Variants in ZNF236 observed in about 807,000 individuals in gnomAD.
ZNF236 encodes the protein regulated by glucose.
A neutral mutation model predicts 191.2 loss-of-function variants in ZNF236; 50 were observed. That is an observed-to-expected ratio of 0.26 (90% CI 0.21 to 0.33). The LOEUF is 0.33. Ranked by LOEUF, ZNF236 falls within the 10% of genes least tolerant of loss-of-function variation. ZNF236 has a pLI of 1.00. For missense variants in ZNF236, 1,754 were observed against 2,374.5 expected (o/e 0.74, Z 5.43); for synonymous variants, 907 against 928.8 (o/e 0.98, Z 0.43).
At chr18:76,967,792 C>T (rs1266838932) in intron 30 of ZNF236, among the ~76,000 whole-genome samples, 6 of 151,788 alleles carry the variant, frequency 4.0e-5, no homozygotes, top group East Asian at 3.9e-4. Context: ...GGGAGCTCGA[C>T]GGCTTTCAGT....
At chr18:76,961,135 A>G (rs181782091) in intron 30 of ZNF236, among the ~76,000 whole-genome samples, 1 of 152,076 alleles carries the variant, frequency 6.6e-6, no homozygotes, top group African/African-American at 2.4e-5. Flanking sequence ...CCCTATTTAT[A>G]GTCTTTTATC....
chr18:76,958,829 A>G (rs1968590135), intron 28 of ZNF236, among the ~76,000 whole-genome samples: 1 of 152,154 alleles, frequency 6.6e-6, no homozygotes, highest in African/African-American at 2.4e-5. Flanking sequence ...CACCTCCCAG[A>G]CTGTGCTGGG....
At position 76,972,091 on chromosome 18, in the gene ZNF236, T is replaced by C. The variant is rs1968915037; in HGVS notation, c.*3752T>C. Among the ~76,000 whole-genome samples, 1 of 152,250 alleles carries C rather than the reference T, an allele frequency of 6.6e-6. No individual in the cohort carries two copies. Among genetic ancestry groups the C allele is most frequent in the Admixed American group, 6.5e-5 (1 of 15,290 alleles). On this transcript the variant is annotated 3_prime_UTR_variant, in exon 31 of 31. Coordinates refer to ENST00000320610, the MANE Select transcript of ZNF236 (RefSeq NM_001306089.2). ...GTCACTTAATCTGTGTTCACGTAAC[T>C]TAGGCACTTTGGATTTTTTAGAATG...
At position 76,956,046 on chromosome 18, in the gene ZNF236, A is replaced by C; in HGVS notation, c.4976A>C (p.His1659Pro). ...GNQPEKEGRAHQCLECDRAFS... is the reference protein window; with the variant it reads ...GNQPEKEGRAPQCLECDRAFS... ...CAGCCAGAGAAGGAGGGCCGGGCGC[A>C]CCAGTGCCTGGAGTGTGACCGCGCC... is the stretch of plus-strand genomic sequence containing the variant. The change falls in exon 28 of 31, where the codon CAC becomes CCC. Residue 1659 changes from histidine (H) to proline (P), a missense_variant. Physicochemically the swap from His to Pro is moderately conservative, Grantham distance 77. This residue lies in a region of ZNF236 where 606 missense variants were observed against 761.5 expected (regional missense o/e 0.80). Coordinates refer to ENST00000320610, the MANE Select transcript of ZNF236 (RefSeq NM_001306089.2). 6.2e-7 allele frequency: 1 copy of C among 1,609,794 alleles called. No homozygotes were observed. Among genetic ancestry groups the C allele is most frequent in the Non-Finnish European group, 8.5e-7 (1 of 1,179,186 alleles).
rs1264821028 is a variant in ZNF236 at position 76,910,101 on chromosome 18, G to T, written c.2585G>T (p.Gly862Val). 6.2e-7 allele frequency: 1 copy of T among 1,613,296 alleles called. No individual in the cohort carries two copies. Among genetic ancestry groups the T allele is most frequent in the South Asian group, 1.1e-5 (1 of 91,058 alleles). The change falls in exon 15 of 31, where the codon GGG becomes GTG. Residue 862 changes from glycine (G) to valine (V), a missense_variant. Gly to Val is a moderately radical substitution (Grantham distance 109). This residue lies in a region of ZNF236 where 641 missense variants were observed against 869.6 expected (regional missense o/e 0.74). Transcript: ENST00000320610. ...GFVAPQDPLR[G>V]HVDQFEEQSP... ...GTGGCTCCACAGGACCCTCTGCGAGGGCACGTAGACCAGTTTGAAGAGCAG... is the reference window on the plus strand; with the variant it reads ...GTGGCTCCACAGGACCCTCTGCGAGTGCACGTAGACCAGTTTGAAGAGCAG...
In ZNF236 at chr18:76,875,765, T is replaced by C; in HGVS notation, c.840+101T>C. ...AGAAATTCTTTTCCATTTAAAAAAA[T>C]GCAGATTGATTTTGTGCCGAGCAGA... On this transcript the variant is annotated intron_variant, in intron 6 of 30. Coordinates refer to ENST00000320610, the MANE Select transcript of ZNF236 (RefSeq NM_001306089.2). The surrounding 1 kb of genome is among the most constrained non-coding windows in gnomAD (Gnocchi z 4.3). The C allele has an allele frequency of 8.0e-7, 1 of 1,247,208 alleles. No homozygotes were observed. Among genetic ancestry groups the C allele is most frequent in the Non-Finnish European group, 1.0e-6 (1 of 967,394 alleles). 77.3% of individuals were successfully genotyped at this position (1,247,208 alleles called of 1,614,324 possible). A position where few individuals can be genotyped will look rare whatever the true frequency, so the allele number is the denominator to read the frequency against.
chr18:76,903,405 G>T (rs1023005681), intron 11 of ZNF236, among the ~76,000 whole-genome samples: 1 of 152,246 alleles, frequency 6.6e-6, no homozygotes, highest in African/African-American at 2.4e-5. Flanking sequence ...AAAGCTGGGA[G>T]AAGTGGGCTT....
Position 76,838,621 on chromosome 18 carries a change from A to C in ZNF236, c.56-10905A>C, listed in dbSNP as rs187558927. 7.9e-5 allele frequency among the ~76,000 whole-genome samples: 12 copies of C among 152,356 alleles called. No homozygotes were observed. In the East Asian group the frequency reaches 2.3e-3, roughly 29 times the overall value. On this transcript the variant is annotated intron_variant, in intron 1 of 30. Transcript: ENST00000320610. Reference sequence around the variant, plus strand: ...TCTGCTATATGCCTGAGTTTCAGCAAACCTTTGTGTACCAAAAAAGGCTAG... The same window carrying C: ...TCTGCTATATGCCTGAGTTTCAGCACACCTTTGTGTACCAAAAAAGGCTAG...
intron 15 of ZNF236, 124 bp from the exon 16 acceptor site, chr18:76,910,536 C>G: frequency 1.0e-6 from 1 of 979,664 alleles, no homozygotes. Context: ...AGCAGCTAGT[C>G]CTAATTCTAA....
In ZNF236 at chr18:76,925,187, A is replaced by G; in HGVS notation, c.3662-2A>G. The G allele has an allele frequency of 6.2e-7, 1 of 1,608,514 alleles. No homozygotes were observed. The highest frequency in any genetic ancestry group is 8.5e-7 in the Non-Finnish European group (1 of 1,176,222). Reference sequence around the variant, plus strand: ...GTTGATTCTTGGCTGGGCTTTTCACAGGTCAGAAGCTCTTCAGCTGTCACG... The same window carrying G: ...GTTGATTCTTGGCTGGGCTTTTCACGGGTCAGAAGCTCTTCAGCTGTCACG... On this transcript the variant is annotated splice_acceptor_variant, in intron 21 of 30. Coordinates refer to ENST00000320610, the MANE Select transcript of ZNF236 (RefSeq NM_001306089.2). LOFTEE classifies it high-confidence loss of function. The surrounding 1 kb of genome is among the most constrained non-coding windows in gnomAD (Gnocchi z 5.7).
At position 76,875,815 on chromosome 18, in the gene ZNF236, G is replaced by T; in HGVS notation, c.840+151G>T. On this transcript the variant is annotated intron_variant, in intron 6 of 30. Transcript: ENST00000320610. The surrounding 1 kb of genome is among the most constrained non-coding windows in gnomAD (Gnocchi z 4.3). ...ACCCTGTTTTAAAAAATACATACGT[G>T]GGAATTTTTTTGGTTTATTACATGT... The T allele has an allele frequency of 1.2e-6, 1 of 854,464 alleles. No individual in the cohort carries two copies. Among genetic ancestry groups the T allele is most frequent in the Non-Finnish European group, 1.6e-6 (1 of 636,952 alleles). The allele number at this position is 854,464 out of a possible 1,614,324, so 52.9% of individuals were successfully genotyped here.
At chr18:76,917,987 C>A (rs1463497867) in intron 19 of ZNF236, among the ~76,000 whole-genome samples, 1 of 152,108 alleles carries the variant, frequency 6.6e-6, no homozygotes, top group East Asian at 1.9e-4. Flanking sequence ...CCAATCCCCT[C>A]CCATCTCTCA....
At position 76,947,569 on chromosome 18, in the gene ZNF236, G is replaced by T; in HGVS notation, c.4831G>T (p.Gly1611Cys). 2 of 1,614,076 alleles carry T rather than the reference G, an allele frequency of 1.2e-6. No homozygotes were observed. The highest frequency in any genetic ancestry group is 1.7e-6 in the Non-Finnish European group (2 of 1,180,010). Residue 1611 changes from glycine (G) to cysteine (C), a missense_variant, in exon 27 of 31, where the codon GGT (glycine) becomes TGT (cysteine). Coordinates refer to ENST00000320610, the MANE Select transcript of ZNF236 (RefSeq NM_001306089.2). ...LLTDPSLSGQ[G>C]GAGSPQVILV... The stretch of plus-strand genomic sequence containing the variant: ...CACGGATCCCTCTCTCTCGGGCCAG[G>T]GTGGAGCAGGCTCGCCGCAAGTCAT...
At chr18:76,846,277 G>A (rs140298169) in intron 1 of ZNF236, among the ~76,000 whole-genome samples, 3 of 152,280 alleles carry the variant, frequency 2.0e-5, no homozygotes, top group Non-Finnish European at 4.4e-5. Context: ...GATAGACCTC[G>A]TTCTGAACAA....
intron 1 of ZNF236, among the ~76,000 whole-genome samples, chr18:76,847,682 G>A (rs1433612391): frequency 1.3e-5 from 2 of 152,070 alleles, no homozygotes; most frequent in Non-Finnish European, 1.5e-5. Flanking sequence ...TGTTAGCCAG[G>A]ATGGTCTTGA....
chr18:76,877,455 C>T (rs978011748), intron 6 of ZNF236, among the ~76,000 whole-genome samples: 9 of 150,946 alleles, frequency 6.0e-5, no homozygotes, highest in Admixed American at 2.6e-4. Context: ...TGCAGTGAGC[C>T]GAGATCACGC....
chr18:76,935,635 G>A (rs116704433), intron 25 of ZNF236, among the ~76,000 whole-genome samples: 7,158 of 152,272 alleles, frequency 0.047, 295 homozygotes, highest in African/African-American at 0.11. Flanking sequence ...TCTCTTCCCC[G>A]TCTTCCCTCT....
At chr18:76,928,867 A>G (rs1442433087) in intron 25 of ZNF236, among the ~76,000 whole-genome samples, 1 of 151,828 alleles carries the variant, frequency 6.6e-6, no homozygotes, top group Non-Finnish European at 1.5e-5. Flanking sequence ...AGCCCTTACT[A>G]TGTGCTTGAT....
intron 1 of ZNF236, among the ~76,000 whole-genome samples, chr18:76,825,664 A>G (rs916576618): frequency 1.3e-5 from 2 of 152,250 alleles, no homozygotes; most frequent in African/African-American, 4.8e-5. Context: ...AATGTGTAGT[A>G]GACATTTTAA....
Sources: allele counts gnomAD v4.1 joint callset (sites outside exome capture counted in the v4.1 genomes callset), GRCh38; gene constraint gnomAD v4.1.1; regional missense constraint gnomAD v4.1.1; non-coding constraint Gnocchi (gnomAD v3.1); transcripts MANE v1.5; gene names NCBI Gene and HGNC (gene_info 2026-07-23, HGNC 2026-07-21).